WFDC6: variants seen among roughly 807,000 people sequenced by gnomAD.
WFDC6 encodes the protein WAP four-disulfide core domain protein 6.
WFDC6 carries 10 observed loss-of-function variants against 8.2 expected under a neutral mutation model. That is an observed-to-expected ratio of 1.22 (90% CI 0.75 to 2.07). WFDC6 has a LOEUF of 2.07. Ranked by LOEUF, WFDC6 falls within the 30% of genes most tolerant of loss-of-function variation. WFDC6 has a pLI of 0.00. For missense variants in WFDC6, 105 were observed against 104.9 expected, an observed-to-expected ratio of 1.00 and a Z score of 0.00; for synonymous variants, 28 against 37.0, an observed-to-expected ratio of 0.76 and a Z score of 0.88.
intron 2 of WFDC6, among the ~76,000 whole-genome samples, chr20:45,536,538 A>G (rs1328254296): frequency 1.3e-5 from 2 of 152,214 alleles, no homozygotes; most frequent in Non-Finnish European, 2.9e-5. Flanking sequence ...TAGAGAGGCT[A>G]AATAACTTTC....
intron 2 of WFDC6, among the ~76,000 whole-genome samples, chr20:45,534,849 A>G (rs1201860552): frequency 6.6e-6 from 1 of 152,226 alleles, no homozygotes; most frequent in Non-Finnish European, 1.5e-5. Flanking sequence ...GTAAAGGACT[A>G]TAATGATTGG....
chr20:45,537,580 A>G (rs1169009613), intron 2 of WFDC6: 3 of 1,545,324 alleles, frequency 1.9e-6, no homozygotes, highest in Non-Finnish European at 2.6e-6. Context: ...AATACAGATT[A>G]TATACCTGTC....
chr20:45,534,453 C>A lies in WFDC6; in HGVS notation c.*14G>T, dbSNP rs772490451. ...CGTGGAGAGAGGCCTGGATTATGAGCCAAATCCTGGAGGTTATTCAAGCTC... is the reference window on the plus strand; with the variant it reads ...CGTGGAGAGAGGCCTGGATTATGAGACAAATCCTGGAGGTTATTCAAGCTC... On this transcript the variant is annotated 3_prime_UTR_variant, in exon 3 of 3. Transcript: ENST00000372670. 3 of 1,613,964 alleles carry A rather than the reference C, an allele frequency of 1.9e-6. No individual in the cohort carries two copies. Among genetic ancestry groups the A allele is most frequent in the Admixed American group, 3.3e-5 (2 of 60,020 alleles).
Position 45,534,334 on chromosome 20 carries a change from T to A in WFDC6, c.*133A>T. 9.7e-7 allele frequency: 1 copy of A among 1,032,628 alleles called. No individual in the cohort carries two copies. Among genetic ancestry groups the A allele is most frequent in the Non-Finnish European group, 1.5e-6 (1 of 654,242 alleles). 64.0% of individuals were successfully genotyped at this position (1,032,628 alleles called of 1,614,324 possible). On this transcript the variant is annotated 3_prime_UTR_variant, in exon 3 of 3. Coordinates refer to ENST00000372670, the MANE Select transcript of WFDC6 (RefSeq NM_080827.2). The stretch of plus-strand genomic sequence containing the variant: ...CATTGTGTTTGAAGAGATGCTACGC[T>A]GGAAGAAAGTGTGTAAGCAATTCCT...
At chr20:45,537,451 T>C in intron 2 of WFDC6, 1 of 1,311,266 alleles carries the variant, frequency 7.6e-7, no homozygotes. Flanking sequence ...TGGTCCTTGA[T>C]GATCTTCTTT....
chr20:45,537,501 G>A lies in WFDC6; in HGVS notation c.222+463C>T, dbSNP rs760529318. ...TGGGCAGAGAAGAAAGAGTGTAGGCGGTCTAAGGTGGTCAGGGAAGGCATC... is the reference window on the plus strand; with the variant it reads ...TGGGCAGAGAAGAAAGAGTGTAGGCAGTCTAAGGTGGTCAGGGAAGGCATC... On this transcript the variant is annotated intron_variant, in intron 2 of 2. Transcript: ENST00000372670. The A allele has an allele frequency of 8.2e-5, 127 of 1,543,246 alleles. No individual in the cohort carries two copies. The African/African-American group carries it at 1.0e-3, about 12-fold the overall frequency.
In WFDC6 at chr20:45,535,372, C is replaced by T. The variant is rs933625964; in HGVS notation, c.223-867G>A. On this transcript the variant is annotated intron_variant, in intron 2 of 2. Transcript: ENST00000372670. ...AATAGAGCTGTTTGGGTGCCTGTCT[C>T]CCTGGAGAATGTCCATCTCTCCCCT... is the stretch of plus-strand genomic sequence containing the variant. 4.0e-6 allele frequency: 5 copies of T among 1,260,978 alleles called. No homozygotes were observed. The African/African-American group carries it at 6.2e-5, about 16-fold the overall frequency. The allele number at this position is 1,260,978 out of a possible 1,614,324, so 78.1% of individuals were successfully genotyped here.
chr20:45,537,499 G>T (rs1427210066), intron 2 of WFDC6: 1 of 1,542,758 alleles, frequency 6.5e-7, no homozygotes, highest in Non-Finnish European at 8.8e-7. Flanking sequence ...AAGAGTGTAG[G>T]CGGTCTAAGG....
intron 2 of WFDC6, among the ~76,000 whole-genome samples, chr20:45,534,944 C>G (rs570917542): frequency 6.6e-6 from 1 of 152,344 alleles, no homozygotes; most frequent in African/African-American, 2.4e-5. Context: ...TCTGTTTTCT[C>G]TCTACACCCA....
chr20:45,539,253 TTTGTTCCTTCCTCCCCA>T, intron 1 of WFDC6, 47 bp downstream of exon 1: 1 of 1,504,248 alleles, frequency 6.6e-7, no homozygotes, highest in South Asian at 1.1e-5. Flanking sequence ...AAAATTATTC[TTTGTTCCTTCCTCCCCA>T]CTGAGTTTCC....
chr20:45,537,882 T>A (rs559418678), intron 2 of WFDC6, 82 bp downstream of exon 2: 1 of 1,598,738 alleles, frequency 6.3e-7, no homozygotes, highest in South Asian at 1.1e-5. Context: ...CAGCCATCAG[T>A]GAACTAGGAG....
chr20:45,539,421 G>A lies in WFDC6; in HGVS notation c.-14C>T. 1 of 1,612,494 alleles carries A rather than the reference G, an allele frequency of 6.2e-7. No individual in the cohort carries two copies. Among genetic ancestry groups the A allele is most frequent in the Non-Finnish European group, 8.5e-7 (1 of 1,178,668 alleles). On this transcript the variant is annotated 5_prime_UTR_variant, in exon 1 of 3. Transcript: ENST00000372670. ...TGAGAGTCCCATTTTAGGAAGTACT[G>A]GCCTGGTTGATGGCACCAAAACTAA... is the stretch of plus-strand genomic sequence containing the variant.
intron 2 of WFDC6, chr20:45,535,439 T>G: frequency 8.5e-7 from 1 of 1,174,254 alleles, no homozygotes; most frequent in Non-Finnish European, 1.1e-6. Context: ...AGAAGCAAAT[T>G]TGCCTCAGGG....
rs1979284535 is a variant in WFDC6, at chr20:45,534,284, A to G, written c.*183T>C. 2.8e-6 allele frequency: 2 copies of G among 709,018 alleles called. No individual in the cohort carries two copies. The highest frequency in any genetic ancestry group is 4.6e-5 in the Admixed American group (2 of 43,558). The allele number at this position is 709,018 out of a possible 1,614,324, so 43.9% of individuals were successfully genotyped here. A position where few individuals can be genotyped will look rare whatever the true frequency, so the allele number is the denominator to read the frequency against. On this transcript the variant is annotated 3_prime_UTR_variant, in exon 3 of 3. Transcript: ENST00000372670. The stretch of plus-strand genomic sequence containing the variant: ...GAAAGTTGAAGACATAGAGTTTCAT[A>G]CTGAGAAGTGGTCAAGGGGAAGAGC...
chr20:45,534,368 G>A lies in WFDC6; in HGVS notation c.*99C>T. 5 of 1,428,042 alleles carry A rather than the reference G, an allele frequency of 3.5e-6. No homozygotes were observed. The highest frequency in any genetic ancestry group is 4.9e-6 in the Non-Finnish European group (5 of 1,011,064). The allele number at this position is 1,428,042 out of a possible 1,614,324, so 88.5% of individuals were successfully genotyped here. On this transcript the variant is annotated 3_prime_UTR_variant, in exon 3 of 3. Transcript: ENST00000372670. The stretch of plus-strand genomic sequence containing the variant: ...GTGTGTAAGCAATTCCTGGGGTTCA[G>A]TTTCTGGAACAGCCAAGGTTTGGCC...
intron 2 of WFDC6, among the ~76,000 whole-genome samples, 199 bp downstream of exon 2, chr20:45,537,765 C>T (rs2145543749): frequency 1.3e-5 from 2 of 152,222 alleles, no homozygotes; most frequent in South Asian, 4.2e-4. Context: ...TTGTTCACAT[C>T]ACTTACCAAA....
rs1165279726 is a variant in WFDC6, at chr20:45,537,488, A to C, written c.222+476T>G. 5 of 1,528,632 alleles carry C rather than the reference A, an allele frequency of 3.3e-6. No homozygotes were observed. The African/African-American group carries it at 6.9e-5, about 21-fold the overall frequency. 94.7% of individuals were successfully genotyped at this position (1,528,632 alleles called of 1,614,324 possible). A position where few individuals can be genotyped will look rare whatever the true frequency, so the allele number is the denominator to read the frequency against. ...GAGCTCAATAATATGGGCAGAGAAG[A>C]AAGAGTGTAGGCGGTCTAAGGTGGT... On this transcript the variant is annotated intron_variant, in intron 2 of 2. Coordinates refer to ENST00000372670, the MANE Select transcript of WFDC6 (RefSeq NM_080827.2).
chr20:45,536,259 A>T (rs568203552), intron 2 of WFDC6, among the ~76,000 whole-genome samples: 1 of 151,900 alleles, frequency 6.6e-6, no homozygotes, highest in Non-Finnish European at 1.5e-5. Flanking sequence ...CAGAAAAAAA[A>T]AAAAACCCAA....
chr20:45,538,845 A>C (rs960259089), intron 1 of WFDC6, among the ~76,000 whole-genome samples: 7 of 152,190 alleles, frequency 4.6e-5, no homozygotes, highest in South Asian at 2.1e-4. Context: ...TTCAGTGCCC[A>C]GTACAGTTAG....
Sources: gnomAD v4.1 joint callset for allele counts (sites outside exome capture counted in the v4.1 genomes callset) on GRCh38, gnomAD v4.1.1 for gene constraint, MANE v1.5 for transcripts, NCBI Gene and HGNC (gene_info 2026-07-23, HGNC 2026-07-21) for gene names.